Variants in SYT9 observed in about 807,000 individuals in gnomAD.
SYT9 encodes synaptotagmin 9.
Under a neutral mutation model 48.4 loss-of-function variants are expected in SYT9, and 22 were observed. That is an observed-to-expected ratio of 0.45 (90% CI 0.32 to 0.65). SYT9 has a LOEUF of 0.65. Ranked by LOEUF, SYT9 falls within the 30% of genes least tolerant of loss-of-function variation. The pLI is 0.03. For missense variants in SYT9, 577 were observed against 622.0 expected (o/e 0.93, Z 0.77); for synonymous variants, 265 against 245.0 (o/e 1.08, Z -0.76).
chr11:7,297,901 T>G (rs572880697), intron 1 of SYT9, among the ~76,000 whole-genome samples: 150 of 152,348 alleles, frequency 9.8e-4, no homozygotes, highest in Admixed American at 2.4e-3. Flanking sequence ...GCCACTATGG[T>G]TCTAATTTCT....
intron 3 of SYT9, among the ~76,000 whole-genome samples, chr11:7,329,927 G>A (rs1849497899): frequency 6.6e-6 from 1 of 152,168 alleles, no homozygotes; most frequent in African/African-American, 2.4e-5. Context: ...GTGAACATGT[G>A]TGGAGGTGAT....
intron 3 of SYT9, among the ~76,000 whole-genome samples, chr11:7,412,436 C>T (rs1847154222): frequency 6.6e-6 from 1 of 152,172 alleles, no homozygotes; most frequent in Admixed American, 6.5e-5. Flanking sequence ...GTATGATCTC[C>T]TTGGCTATAA....
intron 1 of SYT9, among the ~76,000 whole-genome samples, chr11:7,300,760 T>C (rs970604122): frequency 2.0e-5 from 3 of 152,120 alleles, no homozygotes; most frequent in Admixed American, 2.0e-4. Flanking sequence ...TGGGACAGGG[T>C]TTCCTCCTTC....
intron 3 of SYT9, among the ~76,000 whole-genome samples, chr11:7,396,714 A>G (rs1846760372): frequency 6.6e-6 from 1 of 152,142 alleles, no homozygotes; most frequent in African/African-American, 2.4e-5. Context: ...GTTCCTCCAC[A>G]TCCTACACAA....
At chr11:7,384,617 A>C (rs917289880) in intron 3 of SYT9, among the ~76,000 whole-genome samples, 1 of 152,228 alleles carries the variant, frequency 6.6e-6, no homozygotes, top group Non-Finnish European at 1.5e-5. Flanking sequence ...GTAACCTTCT[A>C]ACTGATGGCC....
intron 3 of SYT9, among the ~76,000 whole-genome samples, chr11:7,377,021 A>G (rs964034419): frequency 2.0e-5 from 3 of 149,424 alleles, no homozygotes; most frequent in Non-Finnish European, 3.0e-5. Context: ...GCATGTTTGT[A>G]TCTCCTTTAT....
At chr11:7,242,835 C>G (rs1847753286) in intron 1 of SYT9, among the ~76,000 whole-genome samples, 1 of 152,136 alleles carries the variant, frequency 6.6e-6, no homozygotes, top group African/African-American at 2.4e-5. Flanking sequence ...CACCTGAGGT[C>G]AGGAGTTCAA....
chr11:7,330,680 A>T (rs979222025), intron 3 of SYT9, among the ~76,000 whole-genome samples: 1 of 152,150 alleles, frequency 6.6e-6, no homozygotes, highest in Non-Finnish European at 1.5e-5. Context: ...GTAGAGGTTG[A>T]CTTTAGATAA....
At chr11:7,463,456 A>AT (rs71470484) in intron 6 of SYT9, among the ~76,000 whole-genome samples, 19,779 of 152,088 alleles carry the variant, frequency 0.13, 1,402 homozygotes, top group South Asian at 0.27. Flanking sequence ...TTTGGTTGAG[A>AT]TTTTCTAGTC....
At chr11:7,436,250 A>G (rs5001115) in intron 6 of SYT9, among the ~76,000 whole-genome samples, 95,264 of 151,972 alleles carry the variant, frequency 0.63, 30,519 homozygotes, top group African/African-American at 0.75. Flanking sequence ...GGTGGGTAGG[A>G]TAGTAGGTTA....
intron 1 of SYT9, among the ~76,000 whole-genome samples, chr11:7,276,743 C>T (rs981166695): frequency 6.6e-6 from 1 of 152,084 alleles, no homozygotes; most frequent in Non-Finnish European, 1.5e-5. Flanking sequence ...AGCACTGTAC[C>T]TATACTTAAA....
At chr11:7,293,211 AG>A (rs1848725167) in intron 1 of SYT9, among the ~76,000 whole-genome samples, 1 of 152,198 alleles carries the variant, frequency 6.6e-6, no homozygotes, top group African/African-American at 2.4e-5. Flanking sequence ...CAGCCTTCTG[AG>A]GAAGGAATCA....
intron 3 of SYT9, among the ~76,000 whole-genome samples, chr11:7,324,570 T>C (rs59121042): frequency 0.011 from 1,648 of 152,092 alleles, 27 homozygotes; most frequent in African/African-American, 0.038. Context: ...GCTTTATGTT[T>C]GCAAATTTTG....
chr11:7,331,978 C>T (rs1242314729), intron 3 of SYT9, among the ~76,000 whole-genome samples: 1 of 152,068 alleles, frequency 6.6e-6, no homozygotes, highest in Middle Eastern at 3.2e-3. Flanking sequence ...TTTTTGAGTG[C>T]ACAGGTGAAT....
intron 3 of SYT9, among the ~76,000 whole-genome samples, chr11:7,407,390 T>A (rs1420444350): frequency 2.2e-4 from 8 of 36,164 alleles, no homozygotes; most frequent in African/African-American, 8.7e-4. Flanking sequence ...TTTTTTTTTT[T>A]TGAGACGGAG....
intron 1 of SYT9, chr11:7,239,007 C>A: frequency 2.2e-6 from 1 of 450,500 alleles, no homozygotes; most frequent in South Asian, 1.6e-5. Flanking sequence ...GTAGAGTCAG[C>A]ATTGGAGCTG....
At chr11:7,281,003 C>T (rs969024700) in intron 1 of SYT9, among the ~76,000 whole-genome samples, 2 of 152,146 alleles carry the variant, frequency 1.3e-5, no homozygotes, top group Non-Finnish European at 2.9e-5. Context: ...TAATAATCAG[C>T]TCTCAAAATT....
At chr11:7,438,597 C>G (rs952326509) in intron 6 of SYT9, 1 of 152,296 alleles carries the variant, frequency 6.6e-6, no homozygotes, top group Admixed American at 6.5e-5. Flanking sequence ...CTCTGGTGTC[C>G]TGGAAGCAGC....
intron 3 of SYT9, among the ~76,000 whole-genome samples, chr11:7,351,593 A>T (rs1849916163): frequency 6.6e-6 from 1 of 152,238 alleles, no homozygotes; most frequent in Admixed American, 6.5e-5. Flanking sequence ...AGCATCTTCA[A>T]TAAGATGATG....
Sources: allele counts gnomAD v4.1 joint callset (sites outside exome capture counted in the v4.1 genomes callset), GRCh38; gene constraint gnomAD v4.1.1; transcripts MANE v1.5; gene names NCBI Gene and HGNC (gene_info 2026-07-23, HGNC 2026-07-21).